ME1: variants seen among roughly 807,000 people sequenced by gnomAD.
The protein encoded by ME1 is NADP-dependent malic enzyme.
In ME1, 74 loss-of-function variants were observed where a neutral mutation model predicts 66.4. The observed-to-expected ratio is 1.11, with a 90% confidence interval of 0.92 to 1.35. The LOEUF is 1.35. Ranked by LOEUF, ME1 falls within the 40% of genes most tolerant of loss-of-function variation. The pLI is 0.00. For missense variants in ME1, 750 were observed against 694.1 expected, an observed-to-expected ratio of 1.08 and a Z score of -0.90; for synonymous variants, 251 against 235.6, an observed-to-expected ratio of 1.07 and a Z score of -0.60.
chr6:83,246,344 A>G (rs1790621715), intron 7 of ME1, among the ~76,000 whole-genome samples: 1 of 152,136 alleles, frequency 6.6e-6, no homozygotes, highest in South Asian at 2.1e-4. Flanking sequence ...CCAGATAAAG[A>G]CAAAAAAAGT....
intron 3 of ME1, among the ~76,000 whole-genome samples, chr6:83,397,620 T>C (rs760927710): frequency 6.6e-6 from 1 of 152,150 alleles, no homozygotes. Flanking sequence ...ATAACACTAC[T>C]GGGTACATAT....
intron 6 of ME1, among the ~76,000 whole-genome samples, chr6:83,272,897 A>G (rs1365895273): frequency 6.6e-6 from 1 of 152,184 alleles, no homozygotes; most frequent in Non-Finnish European, 1.5e-5. Context: ...CAAAAGGGCC[A>G]GGCGTGGTAG....
intron 3 of ME1, among the ~76,000 whole-genome samples, chr6:83,367,990 C>T (rs1381405718): frequency 6.6e-6 from 1 of 152,092 alleles, no homozygotes; most frequent in Non-Finnish European, 1.5e-5. Context: ...CTCTTCCTTT[C>T]ACCTGAACAC....
chr6:83,311,925 T>C (rs547986988), intron 6 of ME1, among the ~76,000 whole-genome samples: 8 of 152,124 alleles, frequency 5.3e-5, no homozygotes, highest in African/African-American at 1.9e-4. Flanking sequence ...TACTCAATAT[T>C]TACTATCAAA....
rs1769197886 is a variant in ME1 at position 83,371,841 on chromosome 6, T to C, written c.363-19702A>G. 2.0e-5 allele frequency among the ~76,000 whole-genome samples: 3 copies of C among 152,306 alleles called. No homozygotes were observed. The South Asian group carries it at 6.2e-4, about 32-fold the overall frequency. On this transcript the variant is annotated intron_variant, in intron 3 of 13. Coordinates refer to ENST00000369705, the MANE Select transcript of ME1 (RefSeq NM_002395.6). ...GTGAGAAATATGTTTTCAAAAATTA[T>C]AGCTGTACTATTATCATATCAATAA...
intron 9 of ME1, among the ~76,000 whole-genome samples, chr6:83,234,322 A>T (rs1790356414): frequency 6.6e-6 from 1 of 152,098 alleles, no homozygotes; most frequent in Non-Finnish European, 1.5e-5. Context: ...TACTATTTAC[A>T]TGGTGATGAC....
intron 3 of ME1, among the ~76,000 whole-genome samples, chr6:83,359,328 T>C (rs1342512875): frequency 2.0e-5 from 3 of 152,196 alleles, no homozygotes; most frequent in Non-Finnish European, 4.4e-5. Flanking sequence ...AGGTTGAAAG[T>C]GTGACCCATG....
intron 5 of ME1, among the ~76,000 whole-genome samples, chr6:83,327,964 G>A (rs908213616): frequency 6.6e-6 from 1 of 152,110 alleles, no homozygotes; most frequent in African/African-American, 2.4e-5. Flanking sequence ...TGATTTTTGG[G>A]GCAGGTCCCC....
chr6:83,280,246 C>A lies in ME1; in HGVS notation c.705-26508G>T, dbSNP rs543562096. Among the ~76,000 whole-genome samples the A allele has an allele frequency of 5.3e-5, 8 of 152,120 alleles. No individual in the cohort carries two copies. In the South Asian group the frequency reaches 1.7e-3, roughly 32 times the overall value. The stretch of plus-strand genomic sequence containing the variant: ...TCTTTTTCTCAACTGACCTAACAAC[C>A]ATTTTTTTAAAAAATAATAACAACA... On this transcript the variant is annotated intron_variant, in intron 6 of 13. Coordinates refer to ENST00000369705, the MANE Select transcript of ME1 (RefSeq NM_002395.6).
rs114780062 is a variant in ME1, at chr6:83,425,776, G to C, written c.78+5101C>G. On this transcript the variant is annotated intron_variant, in intron 1 of 13. Transcript: ENST00000369705. The stretch of plus-strand genomic sequence containing the variant: ...CCTGATTATTGAAAAAATAATACCA[G>C]TGTTTTTAAATCCAGGGTCTGTATA... Among the ~76,000 whole-genome samples, 749 of 152,222 alleles carry C rather than the reference G, an allele frequency of 4.9e-3. 4 individuals are homozygous for C. Among genetic ancestry groups the C allele is most frequent in the African/African-American group, 0.017 (718 of 41,516 alleles).
chr6:83,405,538 C>T (rs2324417), intron 2 of ME1, among the ~76,000 whole-genome samples: 152,260 of 152,262 alleles, frequency 1, 76,129 homozygotes, highest in Non-Finnish European at 1. Flanking sequence ...CTTCCAATAC[C>T]ATGCTGAATA....
intron 6 of ME1, among the ~76,000 whole-genome samples, chr6:83,314,670 T>C (rs1440101663): frequency 6.7e-6 from 1 of 150,136 alleles, no homozygotes; most frequent in Non-Finnish European, 1.5e-5. Flanking sequence ...CATCTCATTA[T>C]ATATATATGC....
intron 4 of ME1, among the ~76,000 whole-genome samples, chr6:83,347,478 T>C (rs1489738615): frequency 1.3e-5 from 2 of 152,178 alleles, no homozygotes; most frequent in African/African-American, 4.8e-5. Context: ...TGTCAGTTAT[T>C]TGGCCTTGGG....
At chr6:83,263,366 T>C (rs779219155) in intron 6 of ME1, among the ~76,000 whole-genome samples, 2 of 152,058 alleles carry the variant, frequency 1.3e-5, no homozygotes, top group African/African-American at 4.8e-5. Flanking sequence ...AATCAAAAGC[T>C]TGAAATGGTT....
At chr6:83,354,134 GTTGT>G (rs747815051) in intron 3 of ME1, among the ~76,000 whole-genome samples, 2 of 151,964 alleles carry the variant, frequency 1.3e-5, no homozygotes, top group Non-Finnish European at 2.9e-5. Context: ...CTCATGGTTG[GTTGT>G]TTATTTTTGA....
intron 5 of ME1, among the ~76,000 whole-genome samples, chr6:83,325,229 C>T (rs1377868321): frequency 1.3e-5 from 2 of 152,094 alleles, no homozygotes; most frequent in African/African-American, 4.8e-5. Context: ...ATAATAAGAG[C>T]TATTTATGCT....
intron 3 of ME1, among the ~76,000 whole-genome samples, chr6:83,396,458 G>A (rs1769733174): frequency 6.6e-6 from 1 of 151,964 alleles, no homozygotes; most frequent in African/African-American, 2.4e-5. Flanking sequence ...ACAAAACATT[G>A]ATGAAAAAAA....
At chr6:83,343,682 T>C (rs1163550503) in intron 5 of ME1, among the ~76,000 whole-genome samples, 1 of 152,088 alleles carries the variant, frequency 6.6e-6, no homozygotes, top group African/African-American at 2.4e-5. Context: ...TCGTGAAGGA[T>C]AGGTGGATGC....
chr6:83,312,513 C>G (rs1313190123), intron 6 of ME1, among the ~76,000 whole-genome samples: 2 of 152,042 alleles, frequency 1.3e-5, no homozygotes, highest in African/African-American at 4.8e-5. Flanking sequence ...CTAAACCTGC[C>G]AAGATGGCAA....
Sources: gnomAD v4.1 joint callset for allele counts (sites outside exome capture counted in the v4.1 genomes callset) on GRCh38, gnomAD v4.1.1 for gene constraint, MANE v1.5 for transcripts, NCBI Gene and HGNC (gene_info 2026-07-23, HGNC 2026-07-21) for gene names.